Variants in AKTIP observed in about 807,000 individuals in gnomAD.
The protein encoded by AKTIP is AKT-interacting protein.
AKTIP carries 16 observed loss-of-function variants against 39.1 expected under a neutral mutation model. That is an observed-to-expected ratio of 0.41 (90% CI 0.28 to 0.62). The LOEUF (loss-of-function observed/expected upper bound fraction) is 0.62. Among genes scored for constraint, AKTIP ranks in the 20% least tolerant of loss-of-function variants. AKTIP has a pLI of 0.32. For synonymous variants in AKTIP, 93 were observed against 124.3 expected, an observed-to-expected ratio of 0.75 and a Z score of 1.67; for missense variants, 262 against 356.6, an observed-to-expected ratio of 0.73 and a Z score of 2.14.
chr16:53,494,907 T>A (rs1254740462), intron 5 of AKTIP, 166 bp downstream of exon 5: 1 of 767,554 alleles, frequency 1.3e-6, no homozygotes, highest in Non-Finnish European at 2.3e-6. Context: ...AACAAAGCTC[T>A]GATGGCATGC....
intron 5 of AKTIP, 81 bp from the exon 6 acceptor site, chr16:53,494,686 G>A: frequency 7.4e-7 from 1 of 1,351,228 alleles, no homozygotes; most frequent in Non-Finnish European, 1.0e-6. Flanking sequence ...GATAAAAAGA[G>A]CTTCAGGACA....
intron 9 of AKTIP, 56 bp from the exon 10 acceptor site, chr16:53,492,575 C>A: frequency 6.2e-7 from 1 of 1,604,918 alleles, no homozygotes. Flanking sequence ...GAGATTTCAG[C>A]ACTGTACAAA....
In AKTIP at chr16:53,494,522, T is replaced by C. The variant is rs1459260652; in HGVS notation, c.498A>G (p.Lys166=). 3.1e-6 allele frequency: 5 copies of C among 1,614,056 alleles called. No individual in the cohort carries two copies. The highest frequency in any genetic ancestry group is 3.4e-6 in the Non-Finnish European group (4 of 1,180,024). Residue 166 remains lysine, a synonymous_variant, in exon 6 of 10, where the codon AAA becomes AAG. Transcript: ENST00000394657. ...GELDVKRAFA[K]WRRNHNHIWQ... The stretch of plus-strand genomic sequence containing the variant: ...GAAACACTTTATTTACTTACCTCCA[T>C]TTTGCAAATGCTCTCTTCACATCCA...
At chr16:53,500,597 C>A (rs981688999) in intron 1 of AKTIP, among the ~76,000 whole-genome samples, 1 of 152,084 alleles carries the variant, frequency 6.6e-6, no homozygotes, top group African/African-American at 2.4e-5. Context: ...AGGCTGGTCT[C>A]GAACTCCTGA....
chr16:53,501,918 G>C (rs1034962057), intron 1 of AKTIP: 1 of 152,180 alleles, frequency 6.6e-6, no homozygotes, highest in Non-Finnish European at 1.5e-5. Context: ...AAAAATGTGC[G>C]GGGGCATGTT....
At position 53,495,058 on chromosome 16, in the gene AKTIP, G is replaced by C. The variant is rs1233295042; in HGVS notation, c.414+15C>G. ...GCTGATCCACAAATAAAGCCAGACT[G>C]TGTCTCCAACTTACTGGACAGTCAC... is the stretch of plus-strand genomic sequence containing the variant. On this transcript the variant is annotated intron_variant, in intron 5 of 9. Coordinates refer to ENST00000394657, the MANE Select transcript of AKTIP (RefSeq NM_022476.4). 1.2e-6 allele frequency: 2 copies of C among 1,605,596 alleles called. No individual in the cohort carries two copies. Among genetic ancestry groups the C allele is most frequent in the South Asian group, 2.2e-5 (2 of 90,932 alleles).
At chr16:53,502,565 G>A (rs1320021274) in intron 1 of AKTIP, 2 of 152,298 alleles carry the variant, frequency 1.3e-5, no homozygotes, top group Non-Finnish European at 2.9e-5. Context: ...AGACAGAGCA[G>A]GGGCCAGAAA....
At chr16:53,492,905 A>C in intron 8 of AKTIP, 152 bp from the exon 9 acceptor site, 1 of 656,032 alleles carries the variant, frequency 1.5e-6, no homozygotes, top group Non-Finnish European at 2.7e-6. Flanking sequence ...TTATCTAATT[A>C]ATTTTCTCAC....
In AKTIP at chr16:53,503,196, C is replaced by G. The variant is rs1212811581; in HGVS notation, c.-120G>C. On this transcript the variant is annotated 5_prime_UTR_variant, in exon 1 of 10. Transcript: ENST00000394657. ...CTGGCTGCCAAGCGCCGCCGCGGCC[C>G]GACAGCATCTCCCGCCGCAGCGCCA... 1.3e-5 allele frequency: 2 copies of G among 154,536 alleles called. No individual in the cohort carries two copies. The highest frequency in any genetic ancestry group is 2.9e-5 in the Non-Finnish European group (2 of 70,048). The allele number at this position is 154,536 out of a possible 1,614,324, so 9.6% of individuals were successfully genotyped here.
intron 2 of AKTIP, among the ~76,000 whole-genome samples, chr16:53,499,153 C>G (rs1962016450): frequency 6.6e-6 from 1 of 152,232 alleles, no homozygotes; most frequent in African/African-American, 2.4e-5. Flanking sequence ...CATAAACTGT[C>G]ATCCTTCGTC....
chr16:53,491,205 A>AC lies in AKTIP; in HGVS notation c.*1206dup, dbSNP rs1287571396. On this transcript the variant is annotated 3_prime_UTR_variant, in exon 10 of 10. Coordinates refer to ENST00000394657, the MANE Select transcript of AKTIP (RefSeq NM_022476.4). ...TTGAATTGAGGGGATTAATATGAAA[A>AC]CTTATGACCTCTTCCTTTAGGAGGG... is the stretch of plus-strand genomic sequence containing the variant. 6.6e-6 allele frequency: 1 copy of AC among 152,208 alleles called. No individual in the cohort carries two copies. The highest frequency in any genetic ancestry group is 2.4e-5 in the African/African-American group (1 of 41,422). 9.4% of individuals were successfully genotyped at this position (152,208 alleles called of 1,614,324 possible).
Position 53,498,387 on chromosome 16 carries a change from T to G in AKTIP, c.248+4A>C, listed in dbSNP as rs757561778. On this transcript the variant is annotated splice_donor_region_variant and intron_variant, in intron 3 of 9. Transcript: ENST00000394657. ...TTTAACCAAATAGTTTGTTAAGGAC[T>G]TACAATTCTGCAAGAAGAGAGTATT... 6.2e-7 allele frequency: 1 copy of G among 1,613,826 alleles called. No individual in the cohort carries two copies. The highest frequency in any genetic ancestry group is 8.5e-7 in the Non-Finnish European group (1 of 1,179,710).
chr16:53,503,268 T>TGCCCCACCCCGCCCC (rs1555573837), upstream of AKTIP: 26 of 40,002 alleles, frequency 6.5e-4, no homozygotes, highest in East Asian at 1.5e-3. Context: ...CGCCCTGCCC[T>TGCCCCACCCCGCCCC]GCCCTGCCCT....
intron 3 of AKTIP, among the ~76,000 whole-genome samples, chr16:53,497,682 C>T (rs1016595759): frequency 6.6e-6 from 1 of 152,208 alleles, no homozygotes; most frequent in Non-Finnish European, 1.5e-5. Flanking sequence ...GTCCTACTCT[C>T]TAGAAAAACC....
At position 53,491,437 on chromosome 16, in the gene AKTIP, T is replaced by TTAATAATCTTATTAGGGA. The variant is rs1340208342; in HGVS notation, c.*957_*974dup. 1 of 152,428 alleles carries TTAATAATCTTATTAGGGA rather than the reference T, an allele frequency of 6.6e-6. No individual in the cohort carries two copies. The highest frequency in any genetic ancestry group is 1.5e-5 in the Non-Finnish European group (1 of 68,014). 9.4% of individuals were successfully genotyped at this position (152,428 alleles called of 1,614,324 possible). On this transcript the variant is annotated 3_prime_UTR_variant, in exon 10 of 10. Coordinates refer to ENST00000394657, the MANE Select transcript of AKTIP (RefSeq NM_022476.4). Reference sequence around the variant, plus strand: ...TTGTTCCAGCAGTTTTCAAGTCAAATTAATAATCTTATTAGGGAGAAAATT... The same window carrying TTAATAATCTTATTAGGGA: ...TTGTTCCAGCAGTTTTCAAGTCAAATTAATAATCTTATTAGGGATAATAATCTTATTAGGGAGAAAATT...
chr16:53,503,955 AT>A (rs1161325182), upstream of AKTIP, among the ~76,000 whole-genome samples: 6 of 151,080 alleles, frequency 4.0e-5, no homozygotes. Context: ...GACCTGCAGC[AT>A]CCGAGTGGGG....
chr16:53,501,965 C>T (rs1962195929), intron 1 of AKTIP, among the ~76,000 whole-genome samples: 1 of 152,232 alleles, frequency 6.6e-6, no homozygotes, highest in South Asian at 2.1e-4. Context: ...ATTTTCAGAT[C>T]TAGCAGTAAT....
chr16:53,503,270 CCCT>C (rs2150879465), upstream of AKTIP: 1 of 147,986 alleles, frequency 6.8e-6, no homozygotes, highest in Non-Finnish European at 1.5e-5. Context: ...CCCTGCCCTG[CCCT>C]GCCCTGCCCT....
At chr16:53,492,625 T>C in intron 9 of AKTIP, 68 bp downstream of exon 9, 1 of 1,600,986 alleles carries the variant, frequency 6.2e-7, no homozygotes, top group Non-Finnish European at 8.6e-7. Context: ...TAATGAGCAG[T>C]CTCCAAATGA....
Sources: allele counts gnomAD v4.1 joint callset (sites outside exome capture counted in the v4.1 genomes callset), GRCh38; gene constraint gnomAD v4.1.1; transcripts MANE v1.5; gene names NCBI Gene and HGNC (gene_info 2026-07-23, HGNC 2026-07-21).